EYA4: variants seen among roughly 807,000 people sequenced by gnomAD.
EYA4 encodes the protein EYA transcriptional coactivator and phosphatase 4, also known as protein phosphatase EYA4.
EYA4 carries 31 observed loss-of-function variants against 87.9 expected under a neutral mutation model. That is an observed-to-expected ratio of 0.35 (90% confidence interval 0.27 to 0.48). EYA4 has a LOEUF of 0.48. Ranked by LOEUF, EYA4 falls within the 20% of genes least tolerant of loss-of-function variation. EYA4 has a pLI of 0.99. For missense variants in EYA4, 678 were observed against 761.4 expected, an observed-to-expected ratio of 0.89 and a Z score of 1.29; for synonymous variants, 263 against 270.6, an observed-to-expected ratio of 0.97 and a Z score of 0.28.
intron 13 of EYA4, among the ~76,000 whole-genome samples, chr6:133,498,625 T>C (rs1351196793): frequency 1.3e-5 from 2 of 152,160 alleles, no homozygotes. Flanking sequence ...TTGGTATATA[T>C]TATATAAAAG....
At chr6:133,466,355 A>G (rs1794839179) in intron 10 of EYA4, among the ~76,000 whole-genome samples, 1 of 152,140 alleles carries the variant, frequency 6.6e-6, no homozygotes, top group Non-Finnish European at 1.5e-5. Flanking sequence ...CCAATGTAAA[A>G]TGTAATCTGT....
chr6:133,406,820 C>T (rs1045345209), intron 3 of EYA4, among the ~76,000 whole-genome samples: 1 of 152,094 alleles, frequency 6.6e-6, no homozygotes, highest in Non-Finnish European at 1.5e-5. Context: ...TGTATGAAAT[C>T]TGTCTCTTAT....
chr6:133,281,136 C>T (rs1252294816), intron 2 of EYA4, among the ~76,000 whole-genome samples: 3 of 151,850 alleles, frequency 2.0e-5, no homozygotes, highest in Non-Finnish European at 2.9e-5. Context: ...ATAAATTTGC[C>T]CCTATGTTAT....
chr6:133,514,528 G>C (rs1799428338), intron 16 of EYA4, among the ~76,000 whole-genome samples: 2 of 152,116 alleles, frequency 1.3e-5, no homozygotes, highest in Non-Finnish European at 2.9e-5. Flanking sequence ...AATGAGACTT[G>C]CTAGAAACTG....
intron 3 of EYA4, 43 bp downstream of exon 3, chr6:133,382,484 A>G: frequency 5.3e-6 from 7 of 1,327,162 alleles, no homozygotes; most frequent in Non-Finnish European, 7.6e-6. Flanking sequence ...GGAGAATTGC[A>G]GTTTCGGAGC....
At chr6:133,481,827 A>C (rs1488641434) in intron 12 of EYA4, among the ~76,000 whole-genome samples, 1 of 152,212 alleles carries the variant, frequency 6.6e-6, no homozygotes, top group African/African-American at 2.4e-5. Flanking sequence ...CTTGATTTAC[A>C]GATTATTGGC....
chr6:133,275,064 T>G (rs868842737), intron 2 of EYA4, among the ~76,000 whole-genome samples: 1 of 152,148 alleles, frequency 6.6e-6, no homozygotes, highest in Non-Finnish European at 1.5e-5. Flanking sequence ...ACTAAGGCAT[T>G]GAAATCATGA....
intron 2 of EYA4, among the ~76,000 whole-genome samples, chr6:133,355,381 G>T (rs1238134318): frequency 1.3e-5 from 2 of 152,148 alleles, no homozygotes; most frequent in African/African-American, 4.8e-5. Flanking sequence ...CACATGAACA[G>T]GTAGTTTATT....
chr6:133,513,003 A>G lies in EYA4; in HGVS notation c.1466A>G (p.Lys489Arg), dbSNP rs1357540973. ...RKLAFRYRRV[K>R]ELYNTYKNNV... ...TTGGCTTTTCGTTACAGAAGAGTAAAAGAATTATATAACACCTACAAGAAC... is the reference window on the plus strand; with the variant it reads ...TTGGCTTTTCGTTACAGAAGAGTAAGAGAATTATATAACACCTACAAGAAC... The change falls in exon 16 of 20, where the codon AAA becomes AGA. Residue 489 changes from lysine to arginine, a missense_variant. Physicochemically the swap from Lys to Arg is conservative, Grantham distance 26. Transcript: ENST00000355286. The G allele has an allele frequency of 2.5e-6, 4 of 1,614,010 alleles. No homozygotes were observed. Among genetic ancestry groups the G allele is most frequent in the Non-Finnish European group, 3.4e-6 (4 of 1,180,020 alleles).
intron 1 of EYA4, among the ~76,000 whole-genome samples, chr6:133,260,499 A>G (rs1045496286): frequency 1.3e-5 from 2 of 152,094 alleles, no homozygotes; most frequent in African/African-American, 2.4e-5. Flanking sequence ...GAGCCTCCCA[A>G]TGTGCTGGGA....
chr6:133,490,868 A>G (rs1797089792), intron 13 of EYA4, among the ~76,000 whole-genome samples: 1 of 152,194 alleles, frequency 6.6e-6, no homozygotes, highest in Non-Finnish European at 1.5e-5. Flanking sequence ...GACCTAATAG[A>G]TATTTACAGA....
At chr6:133,456,387 T>C (rs1793904528) in intron 5 of EYA4, 169 bp from the exon 6 acceptor site, 1 of 630,908 alleles carries the variant, frequency 1.6e-6, no homozygotes, top group Non-Finnish European at 2.8e-6. Flanking sequence ...TTAGATTAAA[T>C]CCTCTAAATG....
intron 5 of EYA4, among the ~76,000 whole-genome samples, chr6:133,455,108 T>C (rs1437037879): frequency 2.0e-5 from 3 of 152,190 alleles, no homozygotes; most frequent in Admixed American, 2.0e-4. Context: ...TAGCAAGCTC[T>C]CAATAAGTAT....
chr6:133,474,564 T>C (rs893658762), intron 11 of EYA4, among the ~76,000 whole-genome samples: 2 of 152,096 alleles, frequency 1.3e-5, no homozygotes, highest in African/African-American at 2.4e-5. Flanking sequence ...GTCTGTTGAA[T>C]TTAAAGAAGG....
In EYA4 at chr6:133,241,538, G is replaced by A. The variant is rs892356066; in HGVS notation, c.-277G>A. ...TCCTCTCCTTTCCTCCTCCCCCTCG[G>A]AGCCGGCTTCTCCCTCCGCCCCGCT... On this transcript the variant is annotated 5_prime_UTR_variant, in exon 1 of 20. Coordinates refer to ENST00000355286, the MANE Select transcript of EYA4 (RefSeq NM_004100.5). 2 of 152,154 alleles carry A rather than the reference G, an allele frequency of 1.3e-5. No individual in the cohort carries two copies. The highest frequency in any genetic ancestry group is 2.9e-5 in the Non-Finnish European group (2 of 68,166). The allele number at this position is 152,154 out of a possible 1,614,324, so 9.4% of individuals were successfully genotyped here. A position where few individuals can be genotyped will look rare whatever the true frequency, so the allele number is the denominator to read the frequency against.
rs180741593 is a variant in EYA4, at chr6:133,307,168, C to T, written c.33+32355C>T. Among the ~76,000 whole-genome samples, 405 of 152,344 alleles carry T rather than the reference C, an allele frequency of 2.7e-3. 1 individual carries two copies. Among genetic ancestry groups the T allele is most frequent in the Non-Finnish European group, 4.6e-3 (314 of 68,028 alleles). The stretch of plus-strand genomic sequence containing the variant: ...TTAGGAGCCTCCTAGCACGTTTCTG[C>T]ATCCTGAATCGTTTCTTCCACGGTT... On this transcript the variant is annotated intron_variant, in intron 2 of 19. Coordinates refer to ENST00000355286, the MANE Select transcript of EYA4 (RefSeq NM_004100.5).
intron 3 of EYA4, chr6:133,439,298 T>C (rs1427010528): frequency 6.6e-6 from 1 of 152,196 alleles, no homozygotes; most frequent in Non-Finnish European, 1.5e-5. Flanking sequence ...TCCCAGTTTT[T>C]CACACTTAAA....
intron 2 of EYA4, among the ~76,000 whole-genome samples, chr6:133,309,784 A>C (rs893339122): frequency 6.6e-6 from 1 of 152,170 alleles, no homozygotes; most frequent in African/African-American, 2.4e-5. Context: ...TGGAGAGAAG[A>C]TTGCACAATT....
At chr6:133,440,062 C>A (rs1026559142) in intron 3 of EYA4, among the ~76,000 whole-genome samples, 1 of 152,178 alleles carries the variant, frequency 6.6e-6, no homozygotes, top group East Asian at 1.9e-4. Context: ...TTGTTTCCAA[C>A]GTTGTTTCCT....
Sources: gnomAD v4.1 joint callset for allele counts (sites outside exome capture counted in the v4.1 genomes callset) on GRCh38, gnomAD v4.1.1 for gene constraint, MANE v1.5 for transcripts, NCBI Gene and HGNC (gene_info 2026-07-23, HGNC 2026-07-21) for gene names.